The following UHRF2 variants were observed in gnomAD, a reference collection of about 807,000 sequenced individuals.
UHRF2 encodes the protein E3 ubiquitin-protein ligase UHRF2.
UHRF2 carries 23 observed loss-of-function variants against 96.8 expected under a neutral mutation model. That is an observed-to-expected ratio of 0.24 (90% CI 0.17 to 0.34). UHRF2 has a LOEUF of 0.34. Ranked by LOEUF, UHRF2 falls within the 10% of genes least tolerant of loss-of-function variation. The pLI, the probability that UHRF2 is intolerant of heterozygous loss-of-function variation, is 1.00. For missense variants in UHRF2, 685 were observed against 981.5 expected, an observed-to-expected ratio of 0.70 and a Z score of 4.04; for synonymous variants, 385 against 332.6, an observed-to-expected ratio of 1.16 and a Z score of -1.72.
intron 3 of UHRF2, among the ~76,000 whole-genome samples, chr9:6,446,998 C>G (rs906158422): frequency 3.3e-5 from 5 of 152,144 alleles, no homozygotes; most frequent in African/African-American, 4.8e-5. Flanking sequence ...ACGCCATTCT[C>G]TTGCCTCAGC....
chr9:6,475,527 A>G (rs889803640), intron 5 of UHRF2, 27 bp downstream of exon 5: 1 of 1,428,542 alleles, frequency 7.0e-7, no homozygotes, highest in Non-Finnish European at 9.7e-7. Flanking sequence ...TTGGTCTTAG[A>G]CTACATGTGT....
chr9:6,447,510 A>G (rs1030118513), intron 3 of UHRF2, among the ~76,000 whole-genome samples: 18 of 152,234 alleles, frequency 1.2e-4, no homozygotes. Flanking sequence ...AGGATAAAGA[A>G]GCAGAAAATA....
At chr9:6,492,309 G>T (rs1053777068) in intron 9 of UHRF2, 2 of 1,253,582 alleles carry the variant, frequency 1.6e-6, no homozygotes, top group African/African-American at 1.5e-5. Context: ...AAAGTTGACA[G>T]AGTTATGAAT....
intron 3 of UHRF2, among the ~76,000 whole-genome samples, chr9:6,459,876 G>C (rs542243524): frequency 9.8e-5 from 15 of 152,314 alleles, no homozygotes. Flanking sequence ...AGGCAGCTCA[G>C]GCTCGGGGAT....
intron 2 of UHRF2, among the ~76,000 whole-genome samples, chr9:6,425,156 C>G (rs552216263): frequency 6.6e-6 from 1 of 152,170 alleles, no homozygotes; most frequent in African/African-American, 2.4e-5. Flanking sequence ...TAATGTACTT[C>G]ACTGCCTTGA....
At chr9:6,417,154 T>C (rs1402083923) in intron 1 of UHRF2, among the ~76,000 whole-genome samples, 2 of 152,186 alleles carry the variant, frequency 1.3e-5, no homozygotes, top group Non-Finnish European at 2.9e-5. Context: ...GACTTCCCAC[T>C]GCCCTCTCAG....
intron 3 of UHRF2, among the ~76,000 whole-genome samples, chr9:6,442,298 G>T (rs1821214967): frequency 6.6e-6 from 1 of 152,128 alleles, no homozygotes; most frequent in African/African-American, 2.4e-5. Context: ...AACGGGAGAT[G>T]GGATTGAAAT....
intron 9 of UHRF2, among the ~76,000 whole-genome samples, chr9:6,489,036 C>T (rs1824494754): frequency 1.3e-5 from 2 of 152,032 alleles, no homozygotes; most frequent in South Asian, 4.1e-4. Context: ...TCTCAAACTC[C>T]TGACCTCAAG....
Position 6,413,631 on chromosome 9 carries a change from C to T in UHRF2, c.141C>T (p.Tyr47=), listed in dbSNP as rs753475746. Residue 47 remains tyrosine, a synonymous_variant, in exon 1 of 16, where the codon TAC becomes TAT. Transcript: ENST00000276893. ...GGCCCGAATGCCAGCGCCTCTTCTA[C>T]CGGGGCAAGCAGGTGAGGCGCGCCC... ...DVRPECQRLF[Y]RGKQLENGYT... is the part of the protein sequence containing the mutation. 5.0e-6 allele frequency: 8 copies of T among 1,589,934 alleles called. No homozygotes were observed. In the South Asian group the frequency reaches 5.7e-5, roughly 11 times the overall value.
chr9:6,438,404 C>G (rs964859227), intron 3 of UHRF2, among the ~76,000 whole-genome samples: 3 of 152,208 alleles, frequency 2.0e-5, no homozygotes, highest in Admixed American at 1.3e-4. Flanking sequence ...GCCAGTGTCT[C>G]TCAAAGTCAC....
rs2130984265 is a variant in UHRF2, at chr9:6,506,234, A to G, written c.*55A>G. ...TGGCTTTTTGGACAATAAAGAATCTAAAATGGGTGGGGAGGGTGGAAGAAA... is the reference window on the plus strand; with the variant it reads ...TGGCTTTTTGGACAATAAAGAATCTGAAATGGGTGGGGAGGGTGGAAGAAA... On this transcript the variant is annotated 3_prime_UTR_variant, in exon 16 of 16. Transcript: ENST00000276893. 6.3e-7 allele frequency: 1 copy of G among 1,599,202 alleles called. No individual in the cohort carries two copies.
At chr9:6,485,870 A>G (rs1041146332) in intron 8 of UHRF2, among the ~76,000 whole-genome samples, 4 of 151,830 alleles carry the variant, frequency 2.6e-5, no homozygotes, top group South Asian at 2.1e-4. Flanking sequence ...ATGAACTGCA[A>G]TACCTTTTTC....
intron 4 of UHRF2, chr9:6,468,375 A>G (rs1302935512): frequency 2.2e-6 from 1 of 451,538 alleles, no homozygotes; most frequent in Non-Finnish European, 4.5e-6. Context: ...CTGGCAGTAG[A>G]TTAGTGCTTT....
intron 6 of UHRF2, among the ~76,000 whole-genome samples, chr9:6,481,197 A>AG (rs1310802369): frequency 6.6e-6 from 1 of 152,222 alleles, no homozygotes; most frequent in Non-Finnish European, 1.5e-5. Flanking sequence ...ACATCCTTGA[A>AG]GTCCTGTATA....
chr9:6,413,730 GC>G, intron 1 of UHRF2, 87 bp downstream of exon 1: 1 of 1,333,916 alleles, frequency 7.5e-7, no homozygotes, highest in Non-Finnish European at 9.6e-7. Flanking sequence ...GGCTCTGTGC[GC>G]CGCGCGCGCA....
chr9:6,446,613 C>G (rs1821520500), intron 3 of UHRF2, among the ~76,000 whole-genome samples: 1 of 151,778 alleles, frequency 6.6e-6, no homozygotes, highest in South Asian at 2.1e-4. Flanking sequence ...GTTTGGGAGG[C>G]CAAGGCGGGT....
intron 4 of UHRF2, among the ~76,000 whole-genome samples, chr9:6,461,887 A>T (rs541146748): frequency 6.6e-6 from 1 of 152,252 alleles, no homozygotes; most frequent in South Asian, 2.1e-4. Context: ...GTAATTACAT[A>T]AACATCCTTG....
intron 3 of UHRF2, among the ~76,000 whole-genome samples, chr9:6,445,484 C>G (rs1292824767): frequency 6.6e-6 from 1 of 152,172 alleles, no homozygotes; most frequent in Non-Finnish European, 1.5e-5. Flanking sequence ...TGGTCTAGAA[C>G]TCCTGACCTC....
chr9:6,488,797 G>C (rs1321670217), intron 9 of UHRF2, among the ~76,000 whole-genome samples: 16 of 149,116 alleles, frequency 1.1e-4, no homozygotes. Context: ...CTACCGTGCT[G>C]AGTGTTTTTT....
Sources: gnomAD v4.1 joint callset for allele counts (sites outside exome capture counted in the v4.1 genomes callset) on GRCh38, gnomAD v4.1.1 for gene constraint, MANE v1.5 for transcripts, NCBI Gene and HGNC (gene_info 2026-07-23, HGNC 2026-07-21) for gene names.